Variants in AP3S1 observed in about 807,000 individuals in gnomAD.
The protein encoded by AP3S1 is AP-3 complex subunit sigma-1.
AP3S1 carries 12 observed loss-of-function variants against 21.3 expected under a neutral mutation model. The ratio of observed to expected loss-of-function variants is 0.56; its 90% CI spans 0.36 to 0.91. The LOEUF is 0.91. Among genes scored for constraint, AP3S1 ranks in the 40% least tolerant of loss-of-function variants. AP3S1 has a pLI of 0.01. For synonymous variants in AP3S1, 48 were observed against 78.4 expected (o/e 0.61, Z 2.05); for missense variants, 116 against 225.0 (o/e 0.52, Z 3.10).
At chr5:115,879,608 T>C (rs1387303583) in intron 3 of AP3S1, among the ~76,000 whole-genome samples, 1 of 152,238 alleles carries the variant, frequency 6.6e-6, no homozygotes, top group Non-Finnish European at 1.5e-5. Context: ...GCCAGGATTT[T>C]ATTGAGGATT....
intron 5 of AP3S1, among the ~76,000 whole-genome samples, chr5:115,905,459 C>A (rs796442407): frequency 1.8e-4 from 27 of 152,160 alleles, no homozygotes; most frequent in African/African-American, 6.3e-4. Flanking sequence ...CTTCTTTTGT[C>A]TTTTACAAGA....
At chr5:115,912,566 A>G (rs1752190588) in intron 5 of AP3S1, among the ~76,000 whole-genome samples, 2 of 152,080 alleles carry the variant, frequency 1.3e-5, no homozygotes, top group Admixed American at 1.3e-4. Context: ...TGGAAATTTT[A>G]GAATTCATTT....
At position 115,913,392 on chromosome 5, in the gene AP3S1, G is replaced by T. The variant is rs767514891; in HGVS notation, c.484G>T (p.Val162Leu). The change falls in exon 6 of 6, where the codon GTA becomes TTA. Residue 162 changes from valine to leucine, a missense_variant. By Grantham distance (32) the Val-to-Leu change is conservative. Around this residue, in one of 3 missense-constraint regions of AP3S1, gnomAD observed 65 missense variants for 148.2 expected, o/e 0.44. Transcript: ENST00000316788. ...CTTAGCAGGAGCTCCAGCCCGTGCT[G>T]TATCAGCTGTAAAGAATATGAATCT... ...AGLAGAPARA[V>L]SAVKNMNLPE... The T allele has an allele frequency of 1.1e-5, 18 of 1,613,856 alleles. No individual in the cohort carries two copies. Among genetic ancestry groups the T allele is most frequent in the Non-Finnish European group, 1.5e-5 (18 of 1,179,838 alleles).
At chr5:115,884,625 A>G (rs1749616596) in intron 3 of AP3S1, among the ~76,000 whole-genome samples, 1 of 152,244 alleles carries the variant, frequency 6.6e-6, no homozygotes, top group Non-Finnish European at 1.5e-5. Context: ...TCACGTTTAC[A>G]TAGATTTATA....
chr5:115,871,217 A>T (rs1010139713), intron 3 of AP3S1, among the ~76,000 whole-genome samples: 4 of 152,228 alleles, frequency 2.6e-5, no homozygotes, highest in African/African-American at 4.8e-5. Flanking sequence ...GAACAAAGAC[A>T]GTCAATGCCT....
At chr5:115,884,958 A>C (rs1352628571) in intron 3 of AP3S1, among the ~76,000 whole-genome samples, 2 of 152,200 alleles carry the variant, frequency 1.3e-5, no homozygotes, top group African/African-American at 2.4e-5. Context: ...TTGATCTCAG[A>C]GTTCTTCCTG....
chr5:115,894,868 T>G lies in AP3S1; in HGVS notation c.274-219T>G, dbSNP rs569735448. Among the ~76,000 whole-genome samples, 28 of 152,334 alleles carry G rather than the reference T, an allele frequency of 1.8e-4. No individual in the cohort carries two copies. The East Asian group carries it at 5.2e-3, about 28-fold the overall frequency. On this transcript the variant is annotated intron_variant, in intron 3 of 5. Transcript: ENST00000316788. ...GTTTTAGTCCTTTTCAAAAAAAGTT[T>G]GTTTTCTATACTTATGTATTGAAAA...
intron 3 of AP3S1, among the ~76,000 whole-genome samples, chr5:115,890,925 T>C (rs1236533218): frequency 6.6e-6 from 1 of 152,146 alleles, no homozygotes; most frequent in Non-Finnish European, 1.5e-5. Context: ...GTGAAAATTT[T>C]CCTCTCTTCA....
chr5:115,909,324 A>G (rs550815331), intron 5 of AP3S1, among the ~76,000 whole-genome samples: 11 of 152,302 alleles, frequency 7.2e-5, no homozygotes, highest in Non-Finnish European at 5.9e-5. Context: ...CAAAATCAAA[A>G]ACAAATCATA....
At chr5:115,874,014 T>A (rs556442776) in intron 3 of AP3S1, among the ~76,000 whole-genome samples, 10 of 152,282 alleles carry the variant, frequency 6.6e-5, no homozygotes, top group Admixed American at 6.5e-4. Flanking sequence ...TATGACTTTG[T>A]ATCTGTATAA....
chr5:115,865,695 G>A (rs1487546588), intron 1 of AP3S1, among the ~76,000 whole-genome samples: 1 of 152,034 alleles, frequency 6.6e-6, no homozygotes, highest in Non-Finnish European at 1.5e-5. Flanking sequence ...TTACTACTGC[G>A]ATTTAGTATC....
At chr5:115,897,416 T>A (rs1031412164) in intron 4 of AP3S1, among the ~76,000 whole-genome samples, 35 of 152,194 alleles carry the variant, frequency 2.3e-4, no homozygotes, top group African/African-American at 8.2e-4. Flanking sequence ...TTCCTTTCTA[T>A]TCGCCAAGAC....
chr5:115,910,869 C>G (rs947550885), intron 5 of AP3S1, among the ~76,000 whole-genome samples: 1 of 152,074 alleles, frequency 6.6e-6, no homozygotes, highest in Admixed American at 6.6e-5. Context: ...TTTAAATTTT[C>G]CTACCATTTA....
At chr5:115,895,619 A>G (rs1291660110) in intron 4 of AP3S1, among the ~76,000 whole-genome samples, 1 of 152,176 alleles carries the variant, frequency 6.6e-6, no homozygotes, top group African/African-American at 2.4e-5. Flanking sequence ...TAATGCCATG[A>G]CTTTGAACTT....
chr5:115,853,287 A>C (rs956406571), intron 1 of AP3S1, among the ~76,000 whole-genome samples: 1 of 152,174 alleles, frequency 6.6e-6, no homozygotes, highest in Non-Finnish European at 1.5e-5. Context: ...AAAGAAATAT[A>C]TATTCAAATC....
intron 5 of AP3S1, among the ~76,000 whole-genome samples, chr5:115,904,710 A>G (rs1751494346): frequency 6.6e-6 from 1 of 152,200 alleles, no homozygotes; most frequent in Non-Finnish European, 1.5e-5. Context: ...GACTTGCAAT[A>G]TATTATTTAG....
At chr5:115,868,598 C>G (rs1007824180) in intron 2 of AP3S1, among the ~76,000 whole-genome samples, 1 of 151,970 alleles carries the variant, frequency 6.6e-6, no homozygotes, top group Admixed American at 6.6e-5. Context: ...GAAATAGATG[C>G]TGGCCAGGCG....
At chr5:115,890,542 G>T (rs563876668) in intron 3 of AP3S1, among the ~76,000 whole-genome samples, 3 of 152,224 alleles carry the variant, frequency 2.0e-5, no homozygotes, top group Admixed American at 6.5e-5. Flanking sequence ...TATAATGCTG[G>T]TAATGTTAAA....
intron 1 of AP3S1, among the ~76,000 whole-genome samples, chr5:115,855,063 C>CTATCTATCTATCTCTG (rs1175210507): frequency 3.3e-5 from 5 of 149,904 alleles, no homozygotes; most frequent in African/African-American, 1.2e-4. Flanking sequence ...ATCTATCTAT[C>CTATCTATCTATCTCTG]TCTGTCTCTG....
Sources: allele counts gnomAD v4.1 joint callset (sites outside exome capture counted in the v4.1 genomes callset), GRCh38; gene constraint gnomAD v4.1.1; regional missense constraint gnomAD v4.1.1; transcripts MANE v1.5; gene names NCBI Gene and HGNC (gene_info 2026-07-23, HGNC 2026-07-21).